MDFIC: variants seen among roughly 807,000 people sequenced by gnomAD.
MDFIC encodes myoD family inhibitor domain-containing protein.
Under a neutral mutation model 23.2 loss-of-function variants are expected in MDFIC, and 17 were observed. The ratio of observed to expected loss-of-function variants is 0.73; its 90% CI spans 0.50 to 1.10. The LOEUF is 1.10. Among genes scored for constraint, MDFIC ranks in the 50% least tolerant of loss-of-function variants. The pLI, the probability that MDFIC is intolerant of heterozygous loss-of-function variation, is 0.00. For missense variants in MDFIC, 356 were observed against 316.6 expected, an observed-to-expected ratio of 1.12 and a Z score of -0.95; for synonymous variants, 120 against 115.2, an observed-to-expected ratio of 1.04 and a Z score of -0.27.
At chr7:115,013,491 T>C (rs1401832651) in intron 4 of MDFIC, among the ~76,000 whole-genome samples, 1 of 152,224 alleles carries the variant, frequency 6.6e-6, no homozygotes, top group Admixed American at 6.5e-5. Context: ...GGTTCTTCAA[T>C]GTCAGGTGGG....
At chr7:114,945,037 A>G (rs1206614928) in intron 3 of MDFIC, among the ~76,000 whole-genome samples, 4 of 152,238 alleles carry the variant, frequency 2.6e-5, no homozygotes, top group Admixed American at 6.5e-5. Context: ...TCTTTTTCCA[A>G]ACTTCCATGG....
At position 114,922,220 on chromosome 7, in the gene MDFIC, G is replaced by A. The variant is rs1273612421; in HGVS notation, c.-524G>A. ...GCGAGGGATCGCGCGGCCGAGCCCG[G>A]GTCGCGCCGCTCCCAGCATCGGGGC... On this transcript the variant is annotated 5_prime_UTR_variant, in exon 1 of 5. Transcript: ENST00000393486. 4.1e-6 allele frequency: 2 copies of A among 491,454 alleles called. No homozygotes were observed. The highest frequency in any genetic ancestry group is 6.4e-6 in the Non-Finnish European group (2 of 313,128). 30.4% of individuals were successfully genotyped at this position (491,454 alleles called of 1,614,324 possible).
chr7:114,998,387 T>C (rs893498878), intron 4 of MDFIC, among the ~76,000 whole-genome samples: 7 of 152,030 alleles, frequency 4.6e-5, no homozygotes, highest in African/African-American at 1.7e-4. Flanking sequence ...AACTTTACTT[T>C]AGCTAAAATA....
chr7:114,943,107 G>T (rs2115767334), intron 3 of MDFIC, among the ~76,000 whole-genome samples: 2 of 152,326 alleles, frequency 1.3e-5, no homozygotes, highest in Middle Eastern at 3.4e-3. Context: ...AGCATAGGGA[G>T]TAAATCTTTT....
chr7:114,927,741 C>T (rs73441277), intron 2 of MDFIC, among the ~76,000 whole-genome samples: 3,179 of 152,168 alleles, frequency 0.021, 82 homozygotes, highest in African/African-American at 0.063. Flanking sequence ...GTAAATTGGA[C>T]TTTTAGAGCC....
chr7:114,972,965 A>G (rs1269550410), intron 3 of MDFIC, among the ~76,000 whole-genome samples: 1 of 151,988 alleles, frequency 6.6e-6, no homozygotes, highest in Non-Finnish European at 1.5e-5. Flanking sequence ...TTCTACTACT[A>G]TTAAGAGATT....
At chr7:114,980,343 C>A (rs1187331555) in intron 4 of MDFIC, among the ~76,000 whole-genome samples, 1 of 152,200 alleles carries the variant, frequency 6.6e-6, no homozygotes, top group African/African-American at 2.4e-5. Flanking sequence ...CATCCCATTT[C>A]AGCCTCACTG....
intron 3 of MDFIC, among the ~76,000 whole-genome samples, chr7:114,978,577 C>T (rs2594450): frequency 0.98 from 149,212 of 152,136 alleles, 73,243 homozygotes; most frequent in East Asian, 1. Flanking sequence ...ATTTGTTAAT[C>T]GGTTATACTC....
At chr7:114,933,146 C>T (rs1289152744) in intron 2 of MDFIC, among the ~76,000 whole-genome samples, 1 of 151,088 alleles carries the variant, frequency 6.6e-6, no homozygotes, top group Non-Finnish European at 1.5e-5. Context: ...TGAGAGGTAA[C>T]AAAAAGGTTT....
intron 4 of MDFIC, among the ~76,000 whole-genome samples, chr7:114,981,674 G>T (rs780981793): frequency 2.2e-4 from 33 of 152,162 alleles, no homozygotes; most frequent in Non-Finnish European, 2.9e-4. Context: ...AACACATTTT[G>T]CAAAGTCTTA....
intron 4 of MDFIC, among the ~76,000 whole-genome samples, chr7:114,984,463 A>C (rs1563149282): frequency 6.6e-6 from 1 of 152,186 alleles, no homozygotes; most frequent in Non-Finnish European, 1.5e-5. Flanking sequence ...ATGTGTGCTC[A>C]TATTCACCAA....
At chr7:115,014,573 G>T in intron 4 of MDFIC, 1 of 1,200,418 alleles carries the variant, frequency 8.3e-7, no homozygotes. Context: ...GCTATTGTAG[G>T]TTGTGGAATC....
intron 3 of MDFIC, among the ~76,000 whole-genome samples, chr7:114,973,964 T>G (rs1264763889): frequency 6.6e-6 from 1 of 151,372 alleles, no homozygotes; most frequent in African/African-American, 2.4e-5. Flanking sequence ...CATAAAAGAG[T>G]CCAGAAGCTC....
chr7:115,004,818 A>G (rs1271908534), intron 4 of MDFIC, among the ~76,000 whole-genome samples: 1 of 152,108 alleles, frequency 6.6e-6, no homozygotes, highest in Non-Finnish European at 1.5e-5. Context: ...AATGGACCAG[A>G]GTACACAGTT....
intron 3 of MDFIC, among the ~76,000 whole-genome samples, chr7:114,978,936 A>G (rs891422246): frequency 1.3e-5 from 2 of 152,148 alleles, no homozygotes; most frequent in African/African-American, 4.8e-5. Context: ...ATTTTTCATA[A>G]CTTGTTTATT....
intron 4 of MDFIC, among the ~76,000 whole-genome samples, chr7:114,983,690 C>T (rs192352250): frequency 6.6e-6 from 1 of 151,244 alleles, no homozygotes; most frequent in African/African-American, 2.4e-5. Flanking sequence ...GCCTCAGCCT[C>T]CTGAGTAGCT....
At chr7:114,934,285 T>C (rs909425679) in intron 2 of MDFIC, among the ~76,000 whole-genome samples, 1 of 152,176 alleles carries the variant, frequency 6.6e-6, no homozygotes, top group African/African-American at 2.4e-5. Context: ...ATGACTAAGA[T>C]GTGTCCTGGT....
chr7:114,924,525 G>A lies in MDFIC; in HGVS notation c.94+1398G>A, dbSNP rs147851188. 5.4e-4 allele frequency among the ~76,000 whole-genome samples: 82 copies of A among 152,264 alleles called. 2 individuals are homozygous for A. The East Asian group carries it at 0.014, about 27-fold the overall frequency. ...TGGTACTTAATGTACCTGTGCATTA[G>A]GATGCTGGATGGTGTCATGTGATCT... is the stretch of plus-strand genomic sequence containing the variant. On this transcript the variant is annotated intron_variant, in intron 2 of 4. Coordinates refer to ENST00000393486, the MANE Select transcript of MDFIC (RefSeq NM_001166345.3).
chr7:114,958,884 G>A (rs754598289), intron 3 of MDFIC, among the ~76,000 whole-genome samples: 1 of 152,136 alleles, frequency 6.6e-6, no homozygotes, highest in Non-Finnish European at 1.5e-5. Flanking sequence ...TGCTTATTTT[G>A]ATAAACATTG....
Sources: gnomAD v4.1 joint callset for allele counts (sites outside exome capture counted in the v4.1 genomes callset) on GRCh38, gnomAD v4.1.1 for gene constraint, MANE v1.5 for transcripts, NCBI Gene and HGNC (gene_info 2026-07-23, HGNC 2026-07-21) for gene names.